BCAS3: variants seen among roughly 807,000 people sequenced by gnomAD.
The protein encoded by BCAS3 is BCAS3 microtubule associated cell migration factor, also known as BCAS4/BCAS3 fusion.
A neutral mutation model predicts 116.1 loss-of-function variants in BCAS3; 53 were observed. That is an observed-to-expected ratio of 0.46 (90% CI 0.37 to 0.57). BCAS3 has a LOEUF of 0.57. BCAS3 is among the 20% of genes least tolerant of loss of function. The pLI is 0.00. For synonymous variants in BCAS3, 391 were observed against 408.2 expected (o/e 0.96, Z 0.51); for missense variants, 917 against 1,165.4 (o/e 0.79, Z 3.10).
At chr17:60,869,135 A>G (rs1320928361) in intron 8 of BCAS3, among the ~76,000 whole-genome samples, 1 of 152,222 alleles carries the variant, frequency 6.6e-6, no homozygotes, top group African/African-American at 2.4e-5. Flanking sequence ...ATTCCTTCAC[A>G]CTTCACAGTG....
rs562385902 is a variant in BCAS3, at chr17:61,326,650, G to T, written c.2426-41677G>T. 1.6e-4 allele frequency among the ~76,000 whole-genome samples: 24 copies of T among 152,322 alleles called. No individual in the cohort carries two copies. In the South Asian group the frequency reaches 4.6e-3, roughly 29 times the overall value. On this transcript the variant is annotated intron_variant, in intron 22 of 23. Transcript: ENST00000407086. The surrounding 1 kb of genome is among the most constrained non-coding windows in gnomAD (Gnocchi z 5.3). ...GTGGAGAGGAAGAGATGTTAAGGAT[G>T]CTCCCCAGTTTTCTGGCTTACTTCA...
rs1435449239 is a variant in BCAS3, at chr17:61,307,161, C to A, written c.2426-61166C>A. On this transcript the variant is annotated intron_variant, in intron 22 of 23. Transcript: ENST00000407086. This position sits in a 1 kb window ranked among gnomAD's most constrained non-coding sequence, Gnocchi z 4.7. ...AGAAAAGGATGATTGAAGTGAAGAGCCTAGCCTAGTGCCGGCCCAAGTTGG... is the reference window on the plus strand; with the variant it reads ...AGAAAAGGATGATTGAAGTGAAGAGACTAGCCTAGTGCCGGCCCAAGTTGG... 6.6e-6 allele frequency among the ~76,000 whole-genome samples: 1 copy of A among 152,216 alleles called. No homozygotes were observed. The highest frequency in any genetic ancestry group is 1.5e-5 in the Non-Finnish European group (1 of 68,034).
At chr17:60,799,506 T>G (rs2047510222) in intron 6 of BCAS3, among the ~76,000 whole-genome samples, 1 of 150,692 alleles carries the variant, frequency 6.6e-6, no homozygotes, top group Non-Finnish European at 1.5e-5. Flanking sequence ...ATATGTAAGT[T>G]TTTTGAGATT....
chr17:60,981,956 T>C (rs2062842161), intron 14 of BCAS3, among the ~76,000 whole-genome samples: 1 of 152,216 alleles, frequency 6.6e-6, no homozygotes, highest in Admixed American at 6.5e-5. Context: ...TATTAAACTT[T>C]GTAGATTGTT....
Position 61,028,998 on chromosome 17 carries a change from A to C in BCAS3, c.1638-5668A>C, listed in dbSNP as rs192430813. Among the ~76,000 whole-genome samples the C allele has an allele frequency of 2.0e-5, 3 of 151,996 alleles. No individual in the cohort carries two copies. The East Asian group carries it at 5.8e-4, about 29-fold the overall frequency. ...TGTTTATAAGAGCTCCTTTGTTTTA[A>C]TAGTTTTTGCTATTTTTCCATGTTA... On this transcript the variant is annotated intron_variant, in intron 16 of 23. Coordinates refer to ENST00000407086, the MANE Select transcript of BCAS3 (RefSeq NM_017679.5). This position sits in a 1 kb window ranked among gnomAD's most constrained non-coding sequence, Gnocchi z 4.3.
chr17:60,842,087 T>C (rs2051997860), intron 7 of BCAS3, among the ~76,000 whole-genome samples: 1 of 152,224 alleles, frequency 6.6e-6, no homozygotes, highest in African/African-American at 2.4e-5. Context: ...TATACTTCTG[T>C]ATATCTTTAT....
In BCAS3 at chr17:60,987,549, T is replaced by A. The variant is rs374836606; in HGVS notation, c.1222-2422T>A. The stretch of plus-strand genomic sequence containing the variant: ...TGTTTTGTAGTTTGCATTGTAGAGA[T>A]CTTTCACTTTTTTTGTTAATCGCTA... On this transcript the variant is annotated intron_variant, in intron 14 of 23. Coordinates refer to ENST00000407086, the MANE Select transcript of BCAS3 (RefSeq NM_017679.5). 3.3e-5 allele frequency among the ~76,000 whole-genome samples: 5 copies of A among 152,164 alleles called. No individual in the cohort carries two copies. The South Asian group carries it at 6.2e-4, about 19-fold the overall frequency.
Position 61,337,249 on chromosome 17 carries a change from T to C in BCAS3, c.2426-31078T>C, listed in dbSNP as rs536597887. On this transcript the variant is annotated intron_variant, in intron 22 of 23. Coordinates refer to ENST00000407086, the MANE Select transcript of BCAS3 (RefSeq NM_017679.5). The surrounding 1 kb of genome is among the most constrained non-coding windows in gnomAD (Gnocchi z 4.8). ...CGTGAGCCATGTCAGTGTCTGTAAA[T>C]AGAGGCAGTTGCAGGTTCACGTATC... is the stretch of plus-strand genomic sequence containing the variant. Among the ~76,000 whole-genome samples, 1 of 152,190 alleles carries C rather than the reference T, an allele frequency of 6.6e-6. No homozygotes were observed. The highest frequency in any genetic ancestry group is 6.5e-5 in the Admixed American group (1 of 15,282).
intron 15 of BCAS3, among the ~76,000 whole-genome samples, chr17:61,005,756 C>CT (rs869287886): frequency 0.061 from 7,213 of 118,584 alleles, 627 homozygotes; most frequent in African/African-American, 0.2. Flanking sequence ...TGTGGCTATA[C>CT]TTTTTTTTTT....
At chr17:60,710,408 C>T (rs1382008211) in intron 5 of BCAS3, among the ~76,000 whole-genome samples, 2 of 151,518 alleles carry the variant, frequency 1.3e-5, no homozygotes, top group African/African-American at 2.4e-5. Context: ...GGAACAAGCA[C>T]ATTCACCTTT....
chr17:61,296,208 G>A (rs1023745138), intron 22 of BCAS3, among the ~76,000 whole-genome samples: 11 of 152,196 alleles, frequency 7.2e-5, no homozygotes, highest in African/African-American at 2.7e-4. Flanking sequence ...CTTCCAGTCA[G>A]GTTAAACAGG....
chr17:60,993,244 G>A lies in BCAS3; in HGVS notation c.1486+3009G>A, dbSNP rs1159957736. Among the ~76,000 whole-genome samples, 1 of 152,166 alleles carries A rather than the reference G, an allele frequency of 6.6e-6. No individual in the cohort carries two copies. The highest frequency in any genetic ancestry group is 2.4e-5 in the African/African-American group (1 of 41,452). ...ATATACTTTTGTTGAAGGTTGCAAA[G>A]TGCCAGTCAATGAAGGATTTCATCA... is the stretch of plus-strand genomic sequence containing the variant. On this transcript the variant is annotated intron_variant, in intron 15 of 23. Transcript: ENST00000407086. This position sits in a 1 kb window ranked among gnomAD's most constrained non-coding sequence, Gnocchi z 4.2.
chr17:60,907,514 G>T (rs929878128), intron 11 of BCAS3, among the ~76,000 whole-genome samples: 1 of 152,162 alleles, frequency 6.6e-6, no homozygotes, highest in African/African-American at 2.4e-5. Flanking sequence ...TGACCCTTCG[G>T]CAAATCTGCT....
In BCAS3 at chr17:61,351,869, C is replaced by G. The variant is rs377578185; in HGVS notation, c.2426-16458C>G. Among the ~76,000 whole-genome samples, 3 of 152,178 alleles carry G rather than the reference C, an allele frequency of 2.0e-5. No individual in the cohort carries two copies. In the East Asian group the frequency reaches 5.8e-4, roughly 29 times the overall value. ...CTGGTTCATCCTCCACCACTCGTTT[C>G]AGATATTCACAACTGGAGAGCCATC... On this transcript the variant is annotated intron_variant, in intron 22 of 23. Transcript: ENST00000407086.
intron 22 of BCAS3, among the ~76,000 whole-genome samples, chr17:61,353,122 T>C (rs1347221812): frequency 8.5e-5 from 13 of 152,168 alleles, no homozygotes; most frequent in Non-Finnish European, 1.3e-4. Flanking sequence ...CCAAGACCGA[T>C]GTGCAAGACC....
rs973430817 is a variant in BCAS3 at position 61,181,250 on chromosome 17, C to T, written c.2425+96686C>T. 6.6e-6 allele frequency among the ~76,000 whole-genome samples: 1 copy of T among 152,116 alleles called. No individual in the cohort carries two copies. Among genetic ancestry groups the T allele is most frequent in the Non-Finnish European group, 1.5e-5 (1 of 68,030 alleles). ...ATTAATTGGTATGACTGGTGAGGAA[C>T]AAGATGATTCGTTCCTTGCCTAAGC... On this transcript the variant is annotated intron_variant, in intron 22 of 23. Coordinates refer to ENST00000407086, the MANE Select transcript of BCAS3 (RefSeq NM_017679.5). This position sits in a 1 kb window ranked among gnomAD's most constrained non-coding sequence, Gnocchi z 5.0.
At chr17:61,322,978 C>A (rs1471844438) in intron 22 of BCAS3, among the ~76,000 whole-genome samples, 1 of 151,660 alleles carries the variant, frequency 6.6e-6, no homozygotes, top group Non-Finnish European at 1.5e-5. Flanking sequence ...TTTCTGAAAA[C>A]AAGGCGCCTT....
chr17:61,388,788 C>G lies in BCAS3; in HGVS notation c.2594-3189C>G. 1 of 1,260,344 alleles carries G rather than the reference C, an allele frequency of 7.9e-7. No individual in the cohort carries two copies. The highest frequency in any genetic ancestry group is 1.1e-6 in the Non-Finnish European group (1 of 906,576). 78.1% of individuals were successfully genotyped at this position (1,260,344 alleles called of 1,614,324 possible). On this transcript the variant is annotated intron_variant, in intron 23 of 23. Transcript: ENST00000407086. The surrounding 1 kb of genome is among the most constrained non-coding windows in gnomAD (Gnocchi z 6.5). ...GACTTGGAGGGGGGAATCTGAGCAG[C>G]CCTCCTCCCCTCCACTTCCCACACA... is the stretch of plus-strand genomic sequence containing the variant.
chr17:60,733,720 A>G (rs1029892128), intron 5 of BCAS3, among the ~76,000 whole-genome samples: 1 of 151,986 alleles, frequency 6.6e-6, no homozygotes. Context: ...GGTGGCATGT[A>G]CCCGTGGTCC....
Sources: gnomAD v4.1 joint callset for allele counts (sites outside exome capture counted in the v4.1 genomes callset) on GRCh38, gnomAD v4.1.1 for gene constraint, Gnocchi (gnomAD v3.1) non-coding constraint, MANE v1.5 for transcripts, NCBI Gene and HGNC (gene_info 2026-07-23, HGNC 2026-07-21) for gene names.